The following HTR1E variants were observed in gnomAD, a reference collection of about 807,000 sequenced individuals.
HTR1E encodes the protein 5-hydroxytryptamine receptor 1E.
HTR1E carries 3 observed loss-of-function variants against 3.4 expected under a neutral mutation model. The observed-to-expected ratio is 0.89, with a 90% CI of 0.41 to 2.31. The LOEUF (loss-of-function observed/expected upper bound fraction) is 2.31. Ranked by LOEUF, HTR1E falls within the 30% of genes most tolerant of loss-of-function variation. The probability of loss-of-function intolerance (pLI) is 0.05; values close to 1 mark genes in which losing one functional copy is unlikely to be tolerated. For missense variants in HTR1E, 392 were observed against 467.0 expected, an observed-to-expected ratio of 0.84 and a Z score of 1.48; for synonymous variants, 170 against 182.8, an observed-to-expected ratio of 0.93 and a Z score of 0.56.
At chr6:87,007,531 A>G (rs1325453553) in intron 1 of HTR1E, among the ~76,000 whole-genome samples, 2 of 152,208 alleles carry the variant, frequency 1.3e-5, no homozygotes, top group Non-Finnish European at 2.9e-5. Context: ...TAAATACTCC[A>G]TTACCTTGAT....
intron 1 of HTR1E, among the ~76,000 whole-genome samples, chr6:86,958,975 T>C: frequency 6.9e-6 from 1 of 145,368 alleles, no homozygotes; most frequent in South Asian, 2.1e-4. Flanking sequence ...TGTGTGTGTG[T>C]GTGTGTGTAC....
intron 1 of HTR1E, among the ~76,000 whole-genome samples, chr6:86,948,228 G>C (rs1231816162): frequency 6.6e-6 from 1 of 151,976 alleles, no homozygotes; most frequent in Non-Finnish European, 1.5e-5. Flanking sequence ...CTTTTTTATG[G>C]CTGCAAACAT....
chr6:86,953,606 T>G (rs1362474936), intron 1 of HTR1E, among the ~76,000 whole-genome samples: 1 of 152,152 alleles, frequency 6.6e-6, no homozygotes, highest in Non-Finnish European at 1.5e-5. Context: ...GCAAAGTCCT[T>G]GAGACTCAAA....
At chr6:86,957,784 G>A (rs1255510699) in intron 1 of HTR1E, among the ~76,000 whole-genome samples, 1 of 152,142 alleles carries the variant, frequency 6.6e-6, no homozygotes, top group Non-Finnish European at 1.5e-5. Flanking sequence ...GGAAAAAAAG[G>A]GCACAGTAAA....
At chr6:86,938,120 TAG>T (rs934273008) in intron 1 of HTR1E, among the ~76,000 whole-genome samples, 2 of 152,184 alleles carry the variant, frequency 1.3e-5, no homozygotes, top group Non-Finnish European at 2.9e-5. Flanking sequence ...GCAAAAGGAT[TAG>T]AGGCAGCTTA....
chr6:86,993,271 T>A (rs1428181765), intron 1 of HTR1E, among the ~76,000 whole-genome samples: 1 of 146,380 alleles, frequency 6.8e-6, no homozygotes, highest in Non-Finnish European at 1.5e-5. Flanking sequence ...AAAAGTTTAT[T>A]TAAAAAAAAA....
At chr6:86,951,605 A>C (rs1007657200) in intron 1 of HTR1E, among the ~76,000 whole-genome samples, 1 of 152,216 alleles carries the variant, frequency 6.6e-6, no homozygotes, top group Non-Finnish European at 1.5e-5. Flanking sequence ...TCAAGCAGAT[A>C]TAATATTTTG....
rs181069091 is a variant in HTR1E at position 86,977,292 on chromosome 6, T to C, written c.-185-37858T>C. ...TATAAGTGAGAACATATGGATTTGG[T>C]TTTATGTTCCTGCATTAATTTGCTT... On this transcript the variant is annotated intron_variant, in intron 1 of 1. Coordinates refer to ENST00000305344, the MANE Select transcript of HTR1E (RefSeq NM_000865.3). Among the ~76,000 whole-genome samples the C allele has an allele frequency of 4.0e-4, 61 of 152,292 alleles. 1 individual carries two copies. The East Asian group carries it at 0.011, about 28-fold the overall frequency.
intron 1 of HTR1E, among the ~76,000 whole-genome samples, chr6:86,960,773 A>T (rs1767393854): frequency 1.3e-5 from 2 of 152,172 alleles, no homozygotes; most frequent in Admixed American, 6.5e-5. Flanking sequence ...TTAGCCCTAT[A>T]GTTTCATGGG....
In HTR1E at chr6:87,007,775, A is replaced by G. The variant is rs373623683; in HGVS notation, c.-185-7375A>G. Among the ~76,000 whole-genome samples the G allele has an allele frequency of 2.8e-4, 43 of 152,240 alleles. No individual in the cohort carries two copies. The East Asian group carries it at 6.9e-3, about 25-fold the overall frequency. Reference sequence around the variant, plus strand: ...CACGGTGAAACCCTGTCTCTATAATAAATACAAAAATTAGCCAAAGGGGTG... The same window carrying G: ...CACGGTGAAACCCTGTCTCTATAATGAATACAAAAATTAGCCAAAGGGGTG... On this transcript the variant is annotated intron_variant, in intron 1 of 1. Transcript: ENST00000305344.
intron 1 of HTR1E, among the ~76,000 whole-genome samples, chr6:86,994,033 A>C (rs928141874): frequency 5.3e-5 from 8 of 152,186 alleles, no homozygotes; most frequent in South Asian, 2.1e-4. Flanking sequence ...CAGCATGGAA[A>C]ACAGAGGAAA....
chr6:87,015,339 A>C lies in HTR1E; in HGVS notation c.5A>C (p.Asn2Thr), dbSNP rs1290054518. M[N>T]ITNCTTEASM... Reference sequence around the variant, plus strand: ...GTAGACTGAAACAAGGGAAACATGAACATCACAAACTGTACCACAGAGGCC... The same window carrying C: ...GTAGACTGAAACAAGGGAAACATGACCATCACAAACTGTACCACAGAGGCC... The change falls in exon 2 of 2, where the codon AAC becomes ACC. Residue 2 changes from asparagine (N) to threonine (T), a missense_variant. Physicochemically the swap from Asn to Thr is moderately conservative, Grantham distance 65 (BLOSUM62 0). This residue lies in a region of HTR1E where 189 missense variants were observed against 258.0 expected (regional missense o/e 0.73). Coordinates refer to ENST00000305344, the MANE Select transcript of HTR1E (RefSeq NM_000865.3). The C allele has an allele frequency of 6.5e-7, 1 of 1,542,118 alleles. No homozygotes were observed. The highest frequency in any genetic ancestry group is 2.0e-5 in the Admixed American group (1 of 50,500).
At chr6:86,962,964 T>C (rs1478208731) in intron 1 of HTR1E, among the ~76,000 whole-genome samples, 1 of 152,242 alleles carries the variant, frequency 6.6e-6, no homozygotes, top group African/African-American at 2.4e-5. Flanking sequence ...GTTATTTTAG[T>C]GTGCTCCTTC....
intron 1 of HTR1E, among the ~76,000 whole-genome samples, chr6:86,941,938 TTTA>T (rs1407204247): frequency 1.3e-5 from 2 of 152,100 alleles, no homozygotes; most frequent in African/African-American, 4.8e-5. Context: ...AGGGAAAAGT[TTTA>T]TTATTAATGA....
At chr6:86,992,358 G>A (rs926493376) in intron 1 of HTR1E, among the ~76,000 whole-genome samples, 1 of 152,118 alleles carries the variant, frequency 6.6e-6, no homozygotes, top group Non-Finnish European at 1.5e-5. Context: ...AGGAAGGCCT[G>A]GGCATAGCTT....
At chr6:86,988,674 A>G (rs772591653) in intron 1 of HTR1E, among the ~76,000 whole-genome samples, 7 of 152,120 alleles carry the variant, frequency 4.6e-5, no homozygotes, top group Non-Finnish European at 5.9e-5. Context: ...CTCTATATCT[A>G]TCCTCCAAGG....
rs536110071 is a variant in HTR1E, at chr6:86,946,716, G to A, written c.-186+8893G>A. 1.9e-4 allele frequency among the ~76,000 whole-genome samples: 29 copies of A among 152,246 alleles called. 1 individual carries two copies. The highest frequency in any genetic ancestry group is 6.7e-4 in the African/African-American group (28 of 41,560). On this transcript the variant is annotated intron_variant, in intron 1 of 1. Transcript: ENST00000305344. The stretch of plus-strand genomic sequence containing the variant: ...TATGTATCAAATCCAGCTACCCCAA[G>A]TTTTACAATAACTTTATATGGTTTA...
At chr6:86,967,204 G>A (rs1009013332) in intron 1 of HTR1E, among the ~76,000 whole-genome samples, 1 of 151,820 alleles carries the variant, frequency 6.6e-6, no homozygotes, top group African/African-American at 2.4e-5. Flanking sequence ...CAAAGGCAAG[G>A]GAAAAAAACA....
intron 1 of HTR1E, among the ~76,000 whole-genome samples, chr6:86,995,660 C>A (rs1203221797): frequency 2.7e-5 from 2 of 73,928 alleles, no homozygotes; most frequent in Admixed American, 2.1e-4. Flanking sequence ...AGTGAGACTC[C>A]ATCTCAAAAA....
Sources: allele counts gnomAD v4.1 joint callset (sites outside exome capture counted in the v4.1 genomes callset), GRCh38; gene constraint gnomAD v4.1.1; regional missense constraint gnomAD v4.1.1; transcripts MANE v1.5; gene names NCBI Gene and HGNC (gene_info 2026-07-23, HGNC 2026-07-21).